The following REV3L variants were observed in gnomAD, a reference collection of about 807,000 sequenced individuals.
The protein encoded by REV3L is REV3 like, DNA directed polymerase zeta catalytic subunit.
Under a neutral mutation model 299.4 loss-of-function variants are expected in REV3L, and 69 were observed. The observed-to-expected ratio is 0.23, with a 90% CI of 0.19 to 0.28. REV3L has a LOEUF of 0.28. Ranked by LOEUF, REV3L falls within the 10% of genes least tolerant of loss-of-function variation. The probability of loss-of-function intolerance (pLI) is 1.00; values close to 1 mark genes in which losing one functional copy is unlikely to be tolerated. For synonymous variants in REV3L, 1,238 were observed against 1,271.4 expected, an observed-to-expected ratio of 0.97 and a Z score of 0.56; for missense variants, 3,128 against 3,693.8, an observed-to-expected ratio of 0.85 and a Z score of 3.97.
In REV3L at chr6:111,374,235, T is replaced by C. The variant is rs200522997; in HGVS notation, c.4120A>G (p.Ile1374Val). The part of the protein sequence containing the change: ...HLSQVAQNTQ[I>V]SSGMSSKIED... The stretch of plus-strand genomic sequence containing the variant: ...ATCTTTGAGGACATACCAGAAGATA[T>C]CTGTGTATTCTGTGCTACCTGAGAT... Residue 1374 changes from isoleucine (I) to valine (V), a missense_variant, in exon 13 of 32, where the codon ATA (isoleucine) becomes GTA (valine). Ile to Val is a conservative substitution (Grantham distance 29). This residue lies in a region of REV3L where 2,409 missense variants were observed against 2,611.8 expected (regional missense o/e 0.92). Transcript: ENST00000368802. The C allele has an allele frequency of 5.0e-5, 81 of 1,613,152 alleles. No individual in the cohort carries two copies. Among genetic ancestry groups the C allele is most frequent in the Non-Finnish European group, 6.4e-5 (75 of 1,179,246 alleles).
chr6:111,354,767 G>A (rs1777926245), intron 18 of REV3L, among the ~76,000 whole-genome samples: 1 of 152,084 alleles, frequency 6.6e-6, no homozygotes, highest in Non-Finnish European at 1.5e-5. Flanking sequence ...TGGGATTAGT[G>A]GTGAAAACAA....
chr6:111,469,822 A>G (rs889986577), intron 1 of REV3L, among the ~76,000 whole-genome samples: 88 of 152,206 alleles, frequency 5.8e-4, no homozygotes, highest in African/African-American at 1.8e-3. Context: ...TGCTTAATTG[A>G]GCCCAGCCCA....
chr6:111,340,241 T>C (rs1211787268), intron 21 of REV3L, among the ~76,000 whole-genome samples: 3 of 152,188 alleles, frequency 2.0e-5, no homozygotes, highest in African/African-American at 7.2e-5. Context: ...TCCCAGGATA[T>C]ACCTCCTAGC....
At chr6:111,383,061 AAGAGCCCTTTGGCCTTGAGT>A (rs1378997981) in intron 9 of REV3L, among the ~76,000 whole-genome samples, 1 of 152,114 alleles carries the variant, frequency 6.6e-6, no homozygotes, top group Non-Finnish European at 1.5e-5. Flanking sequence ...TTGCTCACTA[AAGAGCCCTTTGGCCTTGAGT>A]AAACACAAGT....
chr6:111,446,414 A>C (rs1462205573), intron 1 of REV3L, among the ~76,000 whole-genome samples: 1 of 152,138 alleles, frequency 6.6e-6, no homozygotes, highest in East Asian at 1.9e-4. Flanking sequence ...AAAACTCCCA[A>C]ATCAGCTGGG....
At chr6:111,310,148 C>A in intron 29 of REV3L, 49 bp from the exon 30 acceptor site, 2 of 1,449,910 alleles carry the variant, frequency 1.4e-6, no homozygotes. Context: ...GTTATGGAAG[C>A]CATCTTTCTC....
chr6:111,393,999 T>C (rs572217588), intron 4 of REV3L, among the ~76,000 whole-genome samples: 1 of 152,334 alleles, frequency 6.6e-6, no homozygotes, highest in South Asian at 2.1e-4. Context: ...CCATTGTGTA[T>C]ATATACCACA....
intron 11 of REV3L, 113 bp from the exon 12 acceptor site, chr6:111,377,956 A>C: frequency 1.2e-6 from 1 of 810,614 alleles, no homozygotes; most frequent in Non-Finnish European, 1.8e-6. Context: ...AACTATAATA[A>C]TGTATCTAAG....
chr6:111,467,495 T>A (rs992406615), intron 1 of REV3L, among the ~76,000 whole-genome samples: 1 of 152,216 alleles, frequency 6.6e-6, no homozygotes, highest in Non-Finnish European at 1.5e-5. Context: ...CTGAACAGAT[T>A]GAAAATTATA....
At chr6:111,313,924 C>A (rs1773248530) in intron 27 of REV3L, among the ~76,000 whole-genome samples, 1 of 152,164 alleles carries the variant, frequency 6.6e-6, no homozygotes, top group African/African-American at 2.4e-5. Context: ...AGACATAGTT[C>A]ATTGTTACTT....
chr6:111,442,361 T>C (rs1788370124), intron 1 of REV3L, among the ~76,000 whole-genome samples: 1 of 152,224 alleles, frequency 6.6e-6, no homozygotes, highest in South Asian at 2.1e-4. Context: ...TTTTTGTCTT[T>C]TTGAAAACTT....
At position 111,310,063 on chromosome 6, in the gene REV3L, C is replaced by G; in HGVS notation, c.8832G>C (p.Gln2944His). ...MLTYDRRSEPQVGERVPYVII... is the reference protein window; with the variant it reads ...MLTYDRRSEPHVGERVPYVII... ...TGACGTATGGCACTCGCTCCCCAAC[C>G]TGAGGCTCAGAGCGCCGGTCATAAG... The change falls in exon 30 of 32, where the codon CAG becomes CAC. Residue 2944 changes from glutamine to histidine, a missense_variant. Gln to His is a conservative substitution (Grantham distance 24). Transcript: ENST00000368802. 1 of 1,595,422 alleles carries G rather than the reference C, an allele frequency of 6.3e-7. No individual in the cohort carries two copies. Among genetic ancestry groups the G allele is most frequent in the Non-Finnish European group, 8.5e-7 (1 of 1,170,106 alleles).
intron 1 of REV3L, among the ~76,000 whole-genome samples, chr6:111,461,194 G>T (rs1482450575): frequency 1.3e-5 from 2 of 152,106 alleles, no homozygotes; most frequent in East Asian, 3.9e-4. Flanking sequence ...TTCCATGTGT[G>T]TAATTGTCCC....
In REV3L at chr6:111,374,441, G is replaced by T; in HGVS notation, c.3914C>A (p.Ser1305Tyr). Residue 1305 changes from serine to tyrosine, a missense_variant, in exon 13 of 32, where the codon TCT becomes TAT. Physicochemically the swap from Ser to Tyr is moderately radical, Grantham distance 144. This residue lies in a region of REV3L where 2,409 missense variants were observed against 2,611.8 expected (regional missense o/e 0.92). Coordinates refer to ENST00000368802, the MANE Select transcript of REV3L (RefSeq NM_001372078.1). ...ACTGGGGAATGTCTGCAAATCTACAGACTTCTTGCTTTCTAAGAAAGAAGA... is the reference window on the plus strand; with the variant it reads ...ACTGGGGAATGTCTGCAAATCTACATACTTCTTGCTTTCTAAGAAAGAAGA... Reference protein sequence around the residue: ...CFSSFLESKKSVDLQTFPSSR... With the variant: ...CFSSFLESKKYVDLQTFPSSR... 6.2e-7 allele frequency: 1 copy of T among 1,613,954 alleles called. No homozygotes were observed. Among genetic ancestry groups the T allele is most frequent in the African/African-American group, 1.3e-5 (1 of 75,042 alleles).
In REV3L at chr6:111,331,796, G is replaced by A; in HGVS notation, c.7926-12C>T. 6.5e-7 allele frequency: 1 copy of A among 1,539,026 alleles called. No homozygotes were observed. The highest frequency in any genetic ancestry group is 1.7e-4 in the Middle Eastern group (1 of 5,904). ...TGAACTCATCATACCTGTTAAGAAA[G>A]AGAACATTAAGCAAATACTTCCTCA... On this transcript the variant is annotated splice_polypyrimidine_tract_variant and intron_variant, in intron 23 of 31. Transcript: ENST00000368802.
intron 2 of REV3L, among the ~76,000 whole-genome samples, chr6:111,412,732 G>A (rs1295524768): frequency 6.7e-6 from 1 of 149,070 alleles, no homozygotes; most frequent in African/African-American, 2.5e-5. Context: ...GTTGTTTTAA[G>A]CCATCTGTAT....
chr6:111,426,400 T>C (rs1455596147), intron 1 of REV3L, among the ~76,000 whole-genome samples: 1 of 152,214 alleles, frequency 6.6e-6, no homozygotes, highest in Non-Finnish European at 1.5e-5. Flanking sequence ...AATGAAGATA[T>C]GTATAATGTC....
At chr6:111,411,968 C>T (rs1784294493) in intron 2 of REV3L, 1 of 985,284 alleles carries the variant, frequency 1.0e-6, no homozygotes. Context: ...ACAGACCTTT[C>T]AGCCGCCTTC....
In REV3L at chr6:111,380,534, C is replaced by T. The variant is rs141221043; in HGVS notation, c.1217-315G>A. Among the ~76,000 whole-genome samples, 352 of 152,324 alleles carry T rather than the reference C, an allele frequency of 2.3e-3. 2 individuals carry two copies. Among genetic ancestry groups the T allele is most frequent in the African/African-American group, 8.2e-3 (341 of 41,566 alleles). ...TCGGCCTCCCAAAGTGCTGGGATTA[C>T]AGGCGTGAGCCACCACGCCCGGCCT... On this transcript the variant is annotated intron_variant, in intron 10 of 31. Transcript: ENST00000368802.
Sources: gnomAD v4.1 joint callset for allele counts (sites outside exome capture counted in the v4.1 genomes callset) on GRCh38, gnomAD v4.1.1 for gene constraint, gnomAD v4.1.1 regional missense constraint, MANE v1.5 for transcripts, NCBI Gene and HGNC (gene_info 2026-07-23, HGNC 2026-07-21) for gene names.